The following RIN2 variants were observed in gnomAD, a reference collection of about 807,000 sequenced individuals.
The protein encoded by RIN2 is RAB5 interacting protein 2.
A neutral mutation model predicts 78.0 loss-of-function variants in RIN2; 36 were observed. The observed-to-expected ratio is 0.46, with a 90% CI of 0.35 to 0.61. RIN2 has a LOEUF of 0.61. Ranked by LOEUF, RIN2 falls within the 20% of genes least tolerant of loss-of-function variation. RIN2 has a pLI of 0.00. For synonymous variants in RIN2, 466 were observed against 466.8 expected, an observed-to-expected ratio of 1.00 and a Z score of 0.02; for missense variants, 1,087 against 1,159.7, an observed-to-expected ratio of 0.94 and a Z score of 0.91.
chr20:19,827,516 T>C (rs1169930801), intron 2 of RIN2, among the ~76,000 whole-genome samples: 1 of 152,232 alleles, frequency 6.6e-6, no homozygotes, highest in African/African-American at 2.4e-5. Context: ...CAACATTATC[T>C]ACCAGCTTTG....
At chr20:19,956,257 CAAAAAAAAAAAA>C (rs11483774) in intron 4 of RIN2, among the ~76,000 whole-genome samples, 2 of 50,748 alleles carry the variant, frequency 3.9e-5, no homozygotes, top group South Asian at 7.5e-4. Context: ...GACTCCATCT[CAAAAAAAAAAAA>C]AAAAAAAAGA....
intron 4 of RIN2, among the ~76,000 whole-genome samples, chr20:19,937,863 C>T (rs1414159000): frequency 6.6e-6 from 1 of 152,212 alleles, no homozygotes; most frequent in African/African-American, 2.4e-5. Flanking sequence ...CTGTTGGTGA[C>T]AAAATCACAG....
At chr20:19,804,515 T>A (rs2035343279) in intron 2 of RIN2, among the ~76,000 whole-genome samples, 1 of 152,240 alleles carries the variant, frequency 6.6e-6, no homozygotes, top group African/African-American at 2.4e-5. Context: ...GATTTGCATA[T>A]ATCAAACCAG....
At chr20:19,951,322 T>TTTGGCCATTTTGAAG (rs1487667713) in intron 4 of RIN2, among the ~76,000 whole-genome samples, 1 of 152,136 alleles carries the variant, frequency 6.6e-6, no homozygotes, top group Non-Finnish European at 1.5e-5. Context: ...ATTTTTGAAG[T>TTTGGCCATTTTGAAG]TTTGGCCATT....
chr20:19,777,611 A>G (rs2034355357), intron 1 of RIN2, among the ~76,000 whole-genome samples: 1 of 152,228 alleles, frequency 6.6e-6, no homozygotes, highest in South Asian at 2.1e-4. Flanking sequence ...CTTTCTGCAG[A>G]GCAGAGATGT....
intron 3 of RIN2, among the ~76,000 whole-genome samples, chr20:19,908,996 C>G (rs2039346042): frequency 6.6e-6 from 1 of 152,050 alleles, no homozygotes; most frequent in South Asian, 2.1e-4. Flanking sequence ...TCCCAAGTAG[C>G]TGAGATTACA....
chr20:19,841,534 G>A (rs1221154659), intron 2 of RIN2, among the ~76,000 whole-genome samples: 2 of 152,082 alleles, frequency 1.3e-5, no homozygotes, highest in African/African-American at 4.8e-5. Flanking sequence ...GTTTATTTGG[G>A]GGATGATCCA....
At chr20:19,833,441 G>A (rs1295552016) in intron 2 of RIN2, among the ~76,000 whole-genome samples, 3 of 152,112 alleles carry the variant, frequency 2.0e-5, no homozygotes, top group African/African-American at 4.8e-5. Flanking sequence ...GACCCGGTAT[G>A]TGTTGTTCCC....
rs200460217 is a variant in RIN2, at chr20:19,960,752, G to A, written c.404G>A (p.Arg135His). 159 of 1,605,088 alleles carry A rather than the reference G, an allele frequency of 9.9e-5. 2 individuals are homozygous for A. Among genetic ancestry groups the A allele is most frequent in the South Asian group, 5.5e-4 (49 of 88,688 alleles). Residue 135 changes from arginine to histidine, a missense_variant, in exon 6 of 13, where the codon CGC becomes CAC. Arg to His is a conservative substitution (Grantham distance 29, BLOSUM62 0). This residue lies in a region of RIN2 where 706 missense variants were observed against 667.5 expected (regional missense o/e 1.06). Coordinates refer to ENST00000255006, the MANE Select transcript of RIN2 (RefSeq NM_018993.4). Reference sequence around the variant, plus strand: ...ATGCAGAAGAAAGTCCTCTCCCTCCGCCTGCCCTGTGAATTTGGGGCCCCA... The same window carrying A: ...ATGCAGAAGAAAGTCCTCTCCCTCCACCTGCCCTGTGAATTTGGGGCCCCA... Reference protein sequence around the residue: ...TKMQKKVLSLRLPCEFGAPLK... With the variant: ...TKMQKKVLSLHLPCEFGAPLK...
At chr20:19,791,205 A>G (rs996081707) in intron 1 of RIN2, among the ~76,000 whole-genome samples, 3 of 152,370 alleles carry the variant, frequency 2.0e-5, no homozygotes, top group South Asian at 4.1e-4. Context: ...TTGGAAAAAT[A>G]GAATTAGAAA....
intron 1 of RIN2, among the ~76,000 whole-genome samples, chr20:19,778,203 A>G (rs2034378062): frequency 6.6e-6 from 1 of 152,260 alleles, no homozygotes; most frequent in Admixed American, 6.5e-5. Context: ...CAGAGTGTTT[A>G]GGGTTCAGAC....
At chr20:19,925,936 C>G (rs2040205666) in intron 3 of RIN2, among the ~76,000 whole-genome samples, 1 of 152,172 alleles carries the variant, frequency 6.6e-6, no homozygotes, top group Admixed American at 6.5e-5. Flanking sequence ...TAGCAAAACT[C>G]TGGAAACAAC....
chr20:19,891,795 C>G (rs2038479151), intron 3 of RIN2, among the ~76,000 whole-genome samples: 2 of 151,976 alleles, frequency 1.3e-5, no homozygotes, highest in Admixed American at 1.3e-4. Context: ...CACCACTGCA[C>G]TCCAGCCTGG....
At chr20:19,786,750 C>T (rs982031814) in intron 1 of RIN2, among the ~76,000 whole-genome samples, 5 of 152,172 alleles carry the variant, frequency 3.3e-5, no homozygotes, top group Admixed American at 1.3e-4. Context: ...ATACCTTTTG[C>T]GGTAGTGCTG....
At chr20:19,988,554 G>C (rs778431991) in intron 9 of RIN2, among the ~76,000 whole-genome samples, 1 of 152,218 alleles carries the variant, frequency 6.6e-6, no homozygotes, top group Non-Finnish European at 1.5e-5. Context: ...GTGCAAACGT[G>C]TGAGGTCAAA....
At chr20:19,996,522 C>T (rs1303052105) in intron 11 of RIN2, among the ~76,000 whole-genome samples, 157 bp from the exon 12 acceptor site, 1 of 152,236 alleles carries the variant, frequency 6.6e-6, no homozygotes, top group African/African-American at 2.4e-5. Context: ...GGAGTGAGTG[C>T]CATGCTCTTG....
chr20:19,980,189 G>A lies in RIN2; in HGVS notation c.1762+4402G>A, dbSNP rs150973492. ...GCCTGAAGGAACAAATGTCCTTGTA[G>A]AGTTAACAAGAGGCAGAGAAAAAGA... On this transcript the variant is annotated intron_variant, in intron 9 of 12. Coordinates refer to ENST00000255006, the MANE Select transcript of RIN2 (RefSeq NM_018993.4). Among the ~76,000 whole-genome samples, 69 of 152,198 alleles carry A rather than the reference G, an allele frequency of 4.5e-4. 1 individual carries two copies. The East Asian group carries it at 0.012, about 26-fold the overall frequency.
chr20:19,798,213 T>C (rs1393883255), intron 1 of RIN2, among the ~76,000 whole-genome samples: 1 of 152,088 alleles, frequency 6.6e-6, no homozygotes, highest in African/African-American at 2.4e-5. Context: ...AATTACCCTA[T>C]TTTTTTATAT....
chr20:19,928,752 AC>A (rs1228202903), intron 3 of RIN2, among the ~76,000 whole-genome samples: 1 of 152,008 alleles, frequency 6.6e-6, no homozygotes, highest in Non-Finnish European at 1.5e-5. Flanking sequence ...GAGGGAGTGG[AC>A]CCAACCCCTG....
Sources: allele counts gnomAD v4.1 joint callset (sites outside exome capture counted in the v4.1 genomes callset), GRCh38; gene constraint gnomAD v4.1.1; regional missense constraint gnomAD v4.1.1; transcripts MANE v1.5; gene names NCBI Gene and HGNC (gene_info 2026-07-23, HGNC 2026-07-21).